Variants in GLIS3 observed in about 807,000 individuals in gnomAD.
GLIS3 encodes GLIS family zinc finger 3, also known as zinc finger protein GLIS3.
A neutral mutation model predicts 78.6 loss-of-function variants in GLIS3; 53 were observed. That is an observed-to-expected ratio of 0.67 (90% confidence interval 0.54 to 0.85). GLIS3 has a LOEUF of 0.85. Among genes scored for constraint, GLIS3 ranks in the 40% least tolerant of loss-of-function variants. The probability of loss-of-function intolerance (pLI) is 0.00; values close to 1 mark genes in which losing one functional copy is unlikely to be tolerated. For missense variants in GLIS3, 1,703 were observed against 1,231.1 expected, an observed-to-expected ratio of 1.38 and a Z score of -5.74; for synonymous variants, 684 against 509.9, an observed-to-expected ratio of 1.34 and a Z score of -4.60.
At chr9:4,281,361 A>G (rs1827534119) in intron 2 of GLIS3, among the ~76,000 whole-genome samples, 1 of 147,978 alleles carries the variant, frequency 6.8e-6, no homozygotes, top group Non-Finnish European at 1.5e-5. Flanking sequence ...TTATTGTGCA[A>G]CCATCACCAT....
At chr9:4,351,850 G>T (rs1010431970), upstream of GLIS3, among the ~76,000 whole-genome samples, 1 of 151,154 alleles carries the variant, frequency 6.6e-6, no homozygotes, top group Non-Finnish European at 1.5e-5. Context: ...CAGAGAAAAT[G>T]AATGCACAGT....
At chr9:4,482,459 C>T in the GLIS3 span, among the ~76,000 whole-genome samples, 1 of 152,164 alleles carries the variant, frequency 6.6e-6, no homozygotes, top group Non-Finnish European at 1.5e-5. Flanking sequence ...TCTAGCTGCG[C>T]TGACACCATC....
At chr9:4,394,066 G>A in the GLIS3 span, among the ~76,000 whole-genome samples, 2 of 150,718 alleles carry the variant, frequency 1.3e-5, no homozygotes, top group African/African-American at 4.9e-5. Context: ...CCAATCCCAG[G>A]AAAATTTGTC....
chr9:4,023,888 T>G (rs1475689506), intron 4 of GLIS3, among the ~76,000 whole-genome samples: 1 of 152,136 alleles, frequency 6.6e-6, no homozygotes, highest in Non-Finnish European at 1.5e-5. Flanking sequence ...CATTTTGACT[T>G]TGCTGTGATC....
chr9:3,849,013 G>A (rs374877624), intron 9 of GLIS3, among the ~76,000 whole-genome samples: 14 of 152,338 alleles, frequency 9.2e-5, no homozygotes, highest in African/African-American at 3.4e-4. Context: ...TCCCACTGCT[G>A]CTGCACTGAT....
At chr9:4,138,201 AG>A (rs1833545089) in intron 2 of GLIS3, among the ~76,000 whole-genome samples, 1 of 152,230 alleles carries the variant, frequency 6.6e-6, no homozygotes, top group Non-Finnish European at 1.5e-5. Flanking sequence ...GTGGAAAAAG[AG>A]GACTTCCACA....
At chr9:4,093,952 C>T (rs890129296) in intron 4 of GLIS3, among the ~76,000 whole-genome samples, 47 of 152,102 alleles carry the variant, frequency 3.1e-4, no homozygotes, top group African/African-American at 2.9e-4. Context: ...TGTATTGAAT[C>T]GATAATTTGC....
At chr9:4,062,853 C>T (rs1359498039) in intron 4 of GLIS3, among the ~76,000 whole-genome samples, 1 of 151,822 alleles carries the variant, frequency 6.6e-6, no homozygotes, top group Non-Finnish European at 1.5e-5. Flanking sequence ...GGCATGAACC[C>T]AGGAGGCGGA....
the GLIS3 span, among the ~76,000 whole-genome samples, chr9:4,399,236 C>A: frequency 6.6e-6 from 1 of 152,152 alleles, no homozygotes; most frequent in Non-Finnish European, 1.5e-5. Context: ...GATCACTCTA[C>A]ATTATATGTA....
intron 2 of GLIS3, among the ~76,000 whole-genome samples, chr9:4,162,395 C>A (rs1302341390): frequency 3.3e-5 from 5 of 152,094 alleles, no homozygotes; most frequent in Non-Finnish European, 5.9e-5. Context: ...TGATTCTCAG[C>A]CAGTATCCTT....
At chr9:4,050,425 C>T (rs1051208582) in intron 4 of GLIS3, among the ~76,000 whole-genome samples, 68 of 152,118 alleles carry the variant, frequency 4.5e-4, no homozygotes, top group Non-Finnish European at 8.5e-4. Context: ...GGGCGGGGAA[C>T]ATCACACACC....
chr9:3,942,943 C>T (rs1816040076), intron 4 of GLIS3, among the ~76,000 whole-genome samples: 1 of 151,906 alleles, frequency 6.6e-6, no homozygotes, highest in Admixed American at 6.5e-5. Flanking sequence ...GTGGTAGTCT[C>T]ACACCTTAGG....
chr9:4,397,746 A>AAGAGGAAAGGAGAGG, the GLIS3 span, among the ~76,000 whole-genome samples: 1 of 142,740 alleles, frequency 7.0e-6, no homozygotes, highest in African/African-American at 2.8e-5. Flanking sequence ...AAGAGGGAGA[A>AAGAGGAAAGGAGAGG]AGAGGAAAGG....
At chr9:4,161,467 C>A (rs754594595) in intron 2 of GLIS3, among the ~76,000 whole-genome samples, 4 of 151,934 alleles carry the variant, frequency 2.6e-5, no homozygotes, top group Non-Finnish European at 5.9e-5. Flanking sequence ...TCAAAAACAC[C>A]CCTTCGTGGA....
intron 2 of GLIS3, among the ~76,000 whole-genome samples, chr9:4,194,861 G>A (rs1295586411): frequency 6.6e-6 from 1 of 152,202 alleles, no homozygotes. Context: ...GAAAAACACT[G>A]CGAAAAGCTG....
chr9:3,883,609 C>T (rs1367655821), intron 7 of GLIS3, among the ~76,000 whole-genome samples: 1 of 152,216 alleles, frequency 6.6e-6, no homozygotes, highest in African/African-American at 2.4e-5. Context: ...GAGCTGATCC[C>T]TCCAGGATAC....
At chr9:4,005,665 C>A (rs1821485944) in intron 4 of GLIS3, among the ~76,000 whole-genome samples, 1 of 152,186 alleles carries the variant, frequency 6.6e-6, no homozygotes, top group African/African-American at 2.4e-5. Flanking sequence ...AAGTATTATA[C>A]ACATGCTAGC....
At chr9:4,167,885 A>G (rs1426348859) in intron 2 of GLIS3, among the ~76,000 whole-genome samples, 2 of 152,122 alleles carry the variant, frequency 1.3e-5, no homozygotes, top group East Asian at 1.9e-4. Flanking sequence ...TCAAGGTGCC[A>G]CTTTCGGTCT....
intron 4 of GLIS3, among the ~76,000 whole-genome samples, chr9:4,015,856 T>C (rs180899185): frequency 9.5e-5 from 14 of 148,000 alleles, no homozygotes; most frequent in African/African-American, 3.5e-4. Context: ...GCCATTGCAC[T>C]TTAGCCTGAG....
Sources: gnomAD v4.1 joint callset for allele counts (sites outside exome capture counted in the v4.1 genomes callset) on GRCh38, gnomAD v4.1.1 for gene constraint, MANE v1.5 for transcripts, NCBI Gene and HGNC (gene_info 2026-07-23, HGNC 2026-07-21) for gene names.